ECEL1: variants seen among roughly 807,000 people sequenced by gnomAD.
ECEL1 encodes the protein endothelin converting enzyme like 1.
A neutral mutation model predicts 101.8 loss-of-function variants in ECEL1; 87 were observed. The observed-to-expected ratio is 0.85, with a 90% CI of 0.72 to 1.02. ECEL1 has a LOEUF of 1.02. Ranked by LOEUF, ECEL1 falls within the 50% of genes least tolerant of loss-of-function variation. The probability of loss-of-function intolerance (pLI) is 0.00; values close to 1 mark genes in which losing one functional copy is unlikely to be tolerated. For synonymous variants in ECEL1, 487 were observed against 468.7 expected (o/e 1.04, Z -0.50); for missense variants, 1,032 against 1,079.2 (o/e 0.96, Z 0.61).
chr2:232,486,177 C>T lies in ECEL1; in HGVS notation c.477G>A (p.Glu159=). ...TIAAIGEQNE[E]RLRRLLARPG... ...GCCGCGCCAGCAGGCGCCGTAGGCG[C>T]TCCTCGTTTTGCTCGCCGATGGCCG... Residue 159 remains glutamate, a synonymous_variant, in exon 2 of 18, where the codon GAG becomes GAA. Transcript: ENST00000304546. The T allele has an allele frequency of 6.3e-7, 1 of 1,590,798 alleles. No individual in the cohort carries two copies. Among genetic ancestry groups the T allele is most frequent in the Non-Finnish European group, 8.5e-7 (1 of 1,173,796 alleles).
At position 232,485,207 on chromosome 2, in the gene ECEL1, TG is replaced by T; in HGVS notation, c.846del (p.Asp282GlufsTer61). ...ATCCCATGCCCCAGCACCTTCTCAC[TG>T]TCCTCATCCTGAGCGAGGTACAGGG... is the stretch of plus-strand genomic sequence containing the variant. ...ERTLYLAQDE[D>X]SEKILAAYRV... is the part of the protein sequence containing the mutation. On this transcript the variant is annotated frameshift_variant, in exon 3 of 18. Coordinates refer to ENST00000304546, the MANE Select transcript of ECEL1 (RefSeq NM_004826.4). LOFTEE classifies it high-confidence loss of function. 6.2e-7 allele frequency: 1 copy of T among 1,613,690 alleles called. No homozygotes were observed.
At chr2:232,485,534 T>C (rs1690697546) in intron 2 of ECEL1, among the ~76,000 whole-genome samples, 1 of 152,182 alleles carries the variant, frequency 6.6e-6, no homozygotes, top group Non-Finnish European at 1.5e-5. Flanking sequence ...CCACTGACAG[T>C]TGGGACCCCT....
Position 232,485,951 on chromosome 2 carries a change from C to T in ECEL1, c.703G>A (p.Ala235Thr). The T allele has an allele frequency of 6.9e-6, 11 of 1,590,334 alleles. No individual in the cohort carries two copies. The highest frequency in any genetic ancestry group is 9.4e-6 in the Non-Finnish European group (11 of 1,170,566). Residue 235 changes from alanine to threonine, a missense_variant, in exon 2 of 18, where the codon GCG becomes ACG. Transcript: ENST00000304546. ...GCGGCGGCGCTGTACACGCCCTGCG[C>T]CTTGTACAGCAGCCGGTTGAGGTCC... ...RWDLNRLLYK[A>T]QGVYSAAALF...
In ECEL1 at chr2:232,486,349, C is replaced by A. The variant is rs746935576; in HGVS notation, c.305G>T (p.Arg102Leu). 15 of 1,543,356 alleles carry A rather than the reference C, an allele frequency of 9.7e-6. No individual in the cohort carries two copies. The highest frequency in any genetic ancestry group is 4.7e-5 in the South Asian group (4 of 84,884). The change falls in exon 2 of 18, where the codon CGC (arginine) becomes CTC (leucine). Residue 102 changes from arginine (R) to leucine (L), a missense_variant. Arg to Leu is a moderately radical substitution (Grantham distance 102, BLOSUM62 -2). Transcript: ENST00000304546. ...GGACPEGCPERKAFARAARFL... is the reference protein window; with the variant it reads ...GGACPEGCPELKAFARAARFL... ...GCGAGCGGCGCGCGCGAAGGCCTTG[C>A]GCTCAGGGCAGCCCTCGGGACAGGC...
Position 232,481,818 on chromosome 2 carries a change from T to C in ECEL1, c.1828A>G (p.Ile610Val). 6.2e-7 allele frequency: 1 copy of C among 1,613,966 alleles called. No individual in the cohort carries two copies. The highest frequency in any genetic ancestry group is 8.5e-7 in the Non-Finnish European group (1 of 1,180,006). ...TAGCCGTGGGTCAGCTCATGTCCAA[T>C]GATGGTGCCGATGCCCCCGTAGTTG... is the stretch of plus-strand genomic sequence containing the variant. ...SLNYGGIGTI[I>V]GHELTHGYDD... The change falls in exon 13 of 18, where the codon ATT becomes GTT. Residue 610 changes from isoleucine to valine, a missense_variant. Coordinates refer to ENST00000304546, the MANE Select transcript of ECEL1 (RefSeq NM_004826.4).
At position 232,485,091 on chromosome 2, in the gene ECEL1, T is replaced by G; in HGVS notation, c.856A>C (p.Ile286Leu). 1 of 1,611,536 alleles carries G rather than the reference T, an allele frequency of 6.2e-7. No homozygotes were observed. The highest frequency in any genetic ancestry group is 8.5e-7 in the Non-Finnish European group (1 of 1,179,978). The change falls in exon 4 of 18, where the codon ATC (isoleucine) becomes CTC (leucine). Residue 286 changes from isoleucine (I) to leucine (L), a missense_variant and splice_region_variant. Ile to Leu is a conservative substitution (Grantham distance 5, BLOSUM62 2). Transcript: ENST00000304546. ...ATGAACACCCTGTATGCTGCCAGGA[T>G]CTGCACCAGGGGAGGGGGCTCACCC... ...YLAQDEDSEKILAAYRVFMER... is the reference protein window; with the variant it reads ...YLAQDEDSEKLLAAYRVFMER...
chr2:232,481,947 G>A, intron 12 of ECEL1, 98 bp from the exon 13 acceptor site: 2 of 1,525,722 alleles, frequency 1.3e-6, no homozygotes, highest in Admixed American at 3.7e-5. Context: ...GGGCCAGGAG[G>A]TGGCACAGGG....
chr2:232,484,332 A>G, intron 6 of ECEL1, 109 bp from the exon 7 acceptor site: 1 of 1,560,474 alleles, frequency 6.4e-7, no homozygotes, highest in Non-Finnish European at 8.7e-7. Context: ...CAGGACCCAG[A>G]CAGCCCCACA....
Position 232,480,044 on chromosome 2 carries a change from G to T in ECEL1, c.*109C>A. 9.3e-7 allele frequency: 1 copy of T among 1,075,494 alleles called. No individual in the cohort carries two copies. The highest frequency in any genetic ancestry group is 1.5e-5 in the South Asian group (1 of 68,216). 66.6% of individuals were successfully genotyped at this position (1,075,494 alleles called of 1,614,324 possible). ...GGACCGGGTCCTGGAGGGGCTGGAA[G>T]GCAGGTGGTGCCCAGAGCGGGGCTG... On this transcript the variant is annotated 3_prime_UTR_variant, in exon 18 of 18. Coordinates refer to ENST00000304546, the MANE Select transcript of ECEL1 (RefSeq NM_004826.4).
At chr2:232,481,426 C>CGTGCGCAAGGGTGTGCGTG (rs1690574888) in intron 14 of ECEL1, 80 bp downstream of exon 14, 79 of 1,531,482 alleles carry the variant, frequency 5.2e-5, no homozygotes, top group Non-Finnish European at 7.0e-5. Context: ...GACATGTGCA[C>CGTGCGCAAGGGTGTGCGTG]GTGCGCAAGG....
Position 232,480,238 on chromosome 2 carries a change from A to G in ECEL1, c.2243T>C (p.Val748Ala). 1 of 1,613,990 alleles carries G rather than the reference A, an allele frequency of 6.2e-7. No individual in the cohort carries two copies. The change falls in exon 18 of 18, where the codon GTG becomes GCG. Residue 748 changes from valine to alanine, a missense_variant. Transcript: ENST00000304546. ...APEHYRVLGS[V>A]SQFEEFGRAF... Reference sequence around the variant, plus strand: ...CCGGCCAAACTCCTCAAACTGGGACACACTGCCCAGCACCCTGGGGTGGGG... The same window carrying G: ...CCGGCCAAACTCCTCAAACTGGGACGCACTGCCCAGCACCCTGGGGTGGGG...
rs758831732 is a variant in ECEL1, at chr2:232,484,232, C to T, written c.1185-9G>A. 3.7e-6 allele frequency: 6 copies of T among 1,605,180 alleles called. No homozygotes were observed. The highest frequency in any genetic ancestry group is 3.3e-5 in the South Asian group (3 of 90,744). ...GGTAGTTGTGCAGGACCCTGGGGAC[C>T]AGGTGAAGCCAGTGGGTGTCCAGAC... On this transcript the variant is annotated splice_polypyrimidine_tract_variant and intron_variant, in intron 6 of 17. Coordinates refer to ENST00000304546, the MANE Select transcript of ECEL1 (RefSeq NM_004826.4).
At position 232,479,961 on chromosome 2, in the gene ECEL1, C is replaced by T. The variant is rs1002271287; in HGVS notation, c.*192G>A. ...GACCCCAGTATATTTCCCTCACAGC[C>T]CCCCAAAGTCCAGCCTCACCCTGCT... On this transcript the variant is annotated 3_prime_UTR_variant, in exon 18 of 18. Coordinates refer to ENST00000304546, the MANE Select transcript of ECEL1 (RefSeq NM_004826.4). The T allele has an allele frequency of 1.6e-6, 1 of 610,182 alleles. No homozygotes were observed. The highest frequency in any genetic ancestry group is 2.9e-6 in the Non-Finnish European group (1 of 342,982). 37.8% of individuals were successfully genotyped at this position (610,182 alleles called of 1,614,324 possible).
chr2:232,485,593 C>T (rs376011560), intron 2 of ECEL1, among the ~76,000 whole-genome samples: 8 of 152,360 alleles, frequency 5.3e-5, no homozygotes, highest in African/African-American at 1.9e-4. Context: ...CCCAGCCCGC[C>T]GGCGCGCCTC....
chr2:232,483,904 G>C, intron 7 of ECEL1, 97 bp downstream of exon 7: 2 of 1,342,534 alleles, frequency 1.5e-6, no homozygotes, highest in Middle Eastern at 3.8e-4. Flanking sequence ...CCTGCCTGCA[G>C]GGGACATGTG....
chr2:232,486,213 A>T lies in ECEL1; in HGVS notation c.441T>A (p.Tyr147Ter). 5 of 1,601,178 alleles carry T rather than the reference A, an allele frequency of 3.1e-6. No homozygotes were observed. The highest frequency in any genetic ancestry group is 4.2e-6 in the Non-Finnish European group (5 of 1,178,358). Residue 147 changes from tyrosine (Y) to a stop codon, truncating the protein, a stop_gained, in exon 2 of 18, where the codon TAT (tyrosine) becomes TAA (stop). Coordinates refer to ENST00000304546, the MANE Select transcript of ECEL1 (RefSeq NM_004826.4). LOFTEE classifies it high-confidence loss of function. ...GCTCGCCGATGGCCGCGATGGTGCC[A>T]TAGGTGAGCTTGTCGTCGGGGATGG... ...RHAIPDDKLT[Y>*]GTIAAIGEQN... is the part of the protein sequence containing the mutation.
rs762152374 is a variant in ECEL1 at position 232,480,180 on chromosome 2, G to A, written c.2301C>T (p.Asn767=). The A allele has an allele frequency of 2.5e-6, 4 of 1,613,930 alleles. No homozygotes were observed. Among genetic ancestry groups the A allele is most frequent in the Non-Finnish European group, 3.4e-6 (4 of 1,180,004 alleles). Residue 767 remains asparagine (N), a synonymous_variant, in exon 18 of 18, where the codon AAC becomes AAT. Coordinates refer to ENST00000304546, the MANE Select transcript of ECEL1 (RefSeq NM_004826.4). ...AFHCPKDSPM[N]PAHKCSVW ...ACCACACGGAACACTTGTGGGCAGG[G>A]TTCATGGGTGAGTCCTTGGGACAGT...
Position 232,486,476 on chromosome 2 carries a change from C to T in ECEL1, c.178G>A (p.Val60Met). Residue 60 changes from valine (V) to methionine (M), a missense_variant, in exon 2 of 18, where the codon GTG (valine) becomes ATG (methionine). Coordinates refer to ENST00000304546, the MANE Select transcript of ECEL1 (RefSeq NM_004826.4). ...AACACCAGCCCCGACAGCAGGCACA[C>T]CTCGCGCCGGTTCCAGCGCGGCAGC... is the stretch of plus-strand genomic sequence containing the variant. ...SGLPRWNRRE[V>M]CLLSGLVFAA... is the part of the protein sequence containing the mutation. The T allele has an allele frequency of 1.4e-6, 2 of 1,428,408 alleles. No homozygotes were observed. The highest frequency in any genetic ancestry group is 1.8e-6 in the Non-Finnish European group (2 of 1,101,608). 88.5% of individuals were successfully genotyped at this position (1,428,408 alleles called of 1,614,324 possible).
intron 10 of ECEL1, 44 bp from the exon 11 acceptor site, chr2:232,482,652 C>G: frequency 1.3e-6 from 2 of 1,579,880 alleles, no homozygotes; most frequent in Non-Finnish European, 1.7e-6. Flanking sequence ...ACACTCCCTC[C>G]CCCGCTACCC....
Sources: allele counts gnomAD v4.1 joint callset (sites outside exome capture counted in the v4.1 genomes callset), GRCh38; gene constraint gnomAD v4.1.1; transcripts MANE v1.5; gene names NCBI Gene and HGNC (gene_info 2026-07-23, HGNC 2026-07-21).